DLD: variants seen among roughly 807,000 people sequenced by gnomAD.
DLD encodes dihydrolipoamide dehydrogenase.
Under a neutral mutation model 62.2 loss-of-function variants are expected in DLD, and 36 were observed. The ratio of observed to expected loss-of-function variants is 0.58; its 90% confidence interval spans 0.44 to 0.76. DLD has a LOEUF of 0.76. Among genes scored for constraint, DLD ranks in the 30% least tolerant of loss-of-function variants. The pLI, the probability that DLD is intolerant of heterozygous loss-of-function variation, is 0.00. For missense variants in DLD, 541 were observed against 608.6 expected, an observed-to-expected ratio of 0.89 and a Z score of 1.17; for synonymous variants, 204 against 199.6, an observed-to-expected ratio of 1.02 and a Z score of -0.19.
intron 8 of DLD, among the ~76,000 whole-genome samples, chr7:107,913,708 C>T (rs570172077): frequency 2.6e-5 from 4 of 151,918 alleles, no homozygotes; most frequent in Admixed American, 1.3e-4. Flanking sequence ...CTTTTCAATT[C>T]GAATGCCCTT....
intron 2 of DLD, among the ~76,000 whole-genome samples, chr7:107,895,688 T>C (rs2031703256): frequency 6.6e-6 from 1 of 152,166 alleles, no homozygotes; most frequent in Non-Finnish European, 1.5e-5. Flanking sequence ...GTGACAGGGG[T>C]CCATAGACTT....
intron 6 of DLD, 124 bp from the exon 7 acceptor site, chr7:107,905,237 A>T: frequency 9.0e-7 from 1 of 1,112,904 alleles, no homozygotes; most frequent in South Asian, 1.3e-5. Context: ...ACCATGGTGT[A>T]GCATTACTAA....
chr7:107,893,696 C>A, intron 2 of DLD: 1 of 157,312 alleles, frequency 6.4e-6, no homozygotes, highest in Non-Finnish European at 1.4e-5. Flanking sequence ...CTGAGAAAGG[C>A]CTGAGGTGGG....
intron 2 of DLD, among the ~76,000 whole-genome samples, chr7:107,895,153 C>T (rs1179085801): frequency 6.6e-6 from 1 of 152,178 alleles, no homozygotes; most frequent in African/African-American, 2.4e-5. Context: ...ATTTAATCCT[C>T]ATGGCCTTTC....
rs561253235 is a variant in DLD at position 107,892,706 on chromosome 7, C to T, written c.40-494C>T. Among the ~76,000 whole-genome samples the T allele has an allele frequency of 8.2e-4, 125 of 152,208 alleles. 1 individual carries two copies. Among genetic ancestry groups the T allele is most frequent in the African/African-American group, 2.9e-3 (121 of 41,518 alleles). ...GATTACAGGCACCCACCACTACACC[C>T]GGCTAATTTTCTTGTATTTTTAGTA... On this transcript the variant is annotated intron_variant, in intron 1 of 13. Transcript: ENST00000205402.
chr7:107,901,836 C>T lies in DLD; in HGVS notation c.198+19C>T. On this transcript the variant is annotated intron_variant, in intron 3 of 13. Coordinates refer to ENST00000205402, the MANE Select transcript of DLD (RefSeq NM_000108.5). Reference sequence around the variant, plus strand: ...CTTCAAGGTAAGGTTTGAACTCAAACTAAGTATTGATTTATTTTAATTTGG... The same window carrying T: ...CTTCAAGGTAAGGTTTGAACTCAAATTAAGTATTGATTTATTTTAATTTGG... The T allele has an allele frequency of 6.3e-7, 1 of 1,594,956 alleles. No individual in the cohort carries two copies. Among genetic ancestry groups the T allele is most frequent in the East Asian group, 2.2e-5 (1 of 44,688 alleles).
intron 2 of DLD, among the ~76,000 whole-genome samples, chr7:107,895,365 A>G (rs2031694706): frequency 6.6e-6 from 1 of 152,264 alleles, no homozygotes; most frequent in African/African-American, 2.4e-5. Context: ...TGGTTACAAC[A>G]TCTGAGAGAT....
chr7:107,906,832 T>G (rs1317442256), intron 8 of DLD, among the ~76,000 whole-genome samples: 1 of 152,232 alleles, frequency 6.6e-6, no homozygotes, highest in African/African-American at 2.4e-5. Context: ...AGACCTTCTG[T>G]CTGCCTTGTT....
At chr7:107,900,748 A>G (rs2116201665) in intron 2 of DLD, among the ~76,000 whole-genome samples, 1 of 152,266 alleles carries the variant, frequency 6.6e-6, no homozygotes, top group East Asian at 1.9e-4. Flanking sequence ...TGTCTTATTT[A>G]TGACATCTTT....
rs1362468875 is a variant in DLD, at chr7:107,902,413, A to C, written c.267+20A>C. ...TCTAAGGTGAGCATGTGTTTTGTAC[A>C]GCACAGAGATTGTTTTTGGCTAGCA... On this transcript the variant is annotated intron_variant, in intron 4 of 13. Transcript: ENST00000205402. 6.2e-7 allele frequency: 1 copy of C among 1,611,304 alleles called. No individual in the cohort carries two copies. The highest frequency in any genetic ancestry group is 2.2e-5 in the East Asian group (1 of 44,792).
At chr7:107,902,526 A>G in intron 4 of DLD, 133 bp downstream of exon 4, 1 of 808,414 alleles carries the variant, frequency 1.2e-6, no homozygotes, top group East Asian at 2.6e-5. Context: ...ACACAGAGAA[A>G]AAAAAGAATG....
In DLD at chr7:107,919,443, G is replaced by T; in HGVS notation, c.*184G>T. ...TATATCTATATTTTACATAAATTTA[G>T]TATTTTGTTTCAGTGCACTAATGTG... On this transcript the variant is annotated 3_prime_UTR_variant, in exon 14 of 14. Transcript: ENST00000205402. The T allele has an allele frequency of 1.9e-6, 1 of 534,296 alleles. No homozygotes were observed. Among genetic ancestry groups the T allele is most frequent in the South Asian group, 2.5e-5 (1 of 39,978 alleles). The allele number at this position is 534,296 out of a possible 1,614,324, so 33.1% of individuals were successfully genotyped here.
rs544176766 is a variant in DLD at position 107,897,951 on chromosome 7, A to G, written c.119-3787A>G. Among the ~76,000 whole-genome samples the G allele has an allele frequency of 2.7e-4, 41 of 152,302 alleles. No individual in the cohort carries two copies. The Middle Eastern group carries it at 0.01, about 38-fold the overall frequency. On this transcript the variant is annotated intron_variant, in intron 2 of 13. Transcript: ENST00000205402. Reference sequence around the variant, plus strand: ...TATTTCAGTGGTAGCCTGGATAACCAGGTGCCTTATTTTCCTTATAATGAT... The same window carrying G: ...TATTTCAGTGGTAGCCTGGATAACCGGGTGCCTTATTTTCCTTATAATGAT...
At chr7:107,896,960 C>G (rs557402345) in intron 2 of DLD, among the ~76,000 whole-genome samples, 1 of 151,798 alleles carries the variant, frequency 6.6e-6, no homozygotes, top group Non-Finnish European at 1.5e-5. Context: ...CTCAGCCTCC[C>G]GAGTAGCTGG....
At chr7:107,906,491 T>A (rs150009399) in intron 8 of DLD, 123 bp downstream of exon 8, 1 of 702,958 alleles carries the variant, frequency 1.4e-6, no homozygotes, top group Non-Finnish European at 2.6e-6. Context: ...TAAACACTTC[T>A]AGTAATAAAG....
intron 2 of DLD, among the ~76,000 whole-genome samples, chr7:107,896,326 C>T (rs1252967685): frequency 1.3e-5 from 2 of 152,204 alleles, no homozygotes; most frequent in Non-Finnish European, 2.9e-5. Context: ...GGGAGTGACA[C>T]TGAGTTGCTA....
chr7:107,891,552 C>G (rs1361592467), intron 1 of DLD: 2 of 594,154 alleles, frequency 3.4e-6, no homozygotes, highest in Non-Finnish European at 6.0e-6. Context: ...ACACATGCCA[C>G]ACCCCCAAGC....
chr7:107,891,891 C>T (rs1420205031), intron 1 of DLD, among the ~76,000 whole-genome samples: 1 of 152,196 alleles, frequency 6.6e-6, no homozygotes, highest in Non-Finnish European at 1.5e-5. Context: ...GAACAACTCT[C>T]CTTTTTAATC....
intron 8 of DLD, among the ~76,000 whole-genome samples, chr7:107,915,267 C>T (rs987648059): frequency 9.2e-5 from 14 of 152,072 alleles, no homozygotes; most frequent in African/African-American, 3.4e-4. Context: ...CTAATGTATG[C>T]CTAGAAGCTA....
Sources: allele counts gnomAD v4.1 joint callset (sites outside exome capture counted in the v4.1 genomes callset), GRCh38; gene constraint gnomAD v4.1.1; transcripts MANE v1.5; gene names NCBI Gene and HGNC (gene_info 2026-07-23, HGNC 2026-07-21).